ADCY10: variants seen among roughly 807,000 people sequenced by gnomAD.
The protein encoded by ADCY10 is adenylate cyclase type 10.
A neutral mutation model predicts 183.3 loss-of-function variants in ADCY10; 156 were observed. The observed-to-expected ratio is 0.85, with a 90% CI of 0.75 to 0.97. ADCY10 has a LOEUF of 0.97. Ranked by LOEUF, ADCY10 falls within the 50% of genes least tolerant of loss-of-function variation. The pLI is 0.00. For missense variants in ADCY10, 1,745 were observed against 1,934.3 expected (o/e 0.90, Z 1.84); for synonymous variants, 645 against 670.0 (o/e 0.96, Z 0.58).
intron 14 of ADCY10, among the ~76,000 whole-genome samples, chr1:167,864,620 A>G (rs1217453142): frequency 6.6e-6 from 1 of 152,194 alleles, no homozygotes; most frequent in Non-Finnish European, 1.5e-5. Context: ...ACAGAAAGTC[A>G]AAGAGAGAAA....
intron 17 of ADCY10, 37 bp from the exon 18 acceptor site, chr1:167,854,526 A>G (rs1169193452): frequency 5.0e-6 from 8 of 1,613,324 alleles, no homozygotes; most frequent in Non-Finnish European, 6.8e-6. Flanking sequence ...TACATTGAAG[A>G]TACATCTTTT....
intron 31 of ADCY10, among the ~76,000 whole-genome samples, chr1:167,814,865 C>A (rs900276371): frequency 3.3e-5 from 5 of 152,168 alleles, no homozygotes; most frequent in Admixed American, 1.3e-4. Flanking sequence ...TGGGCTCATG[C>A]CTGTAATCCC....
chr1:167,855,421 C>T (rs918047788), intron 17 of ADCY10, among the ~76,000 whole-genome samples: 14 of 152,206 alleles, frequency 9.2e-5, no homozygotes, highest in South Asian at 2.1e-4. Context: ...AGTGAGTCAG[C>T]TTTCCACATC....
At chr1:167,849,868 C>G (rs1259696839) in intron 18 of ADCY10, among the ~76,000 whole-genome samples, 1 of 152,142 alleles carries the variant, frequency 6.6e-6, no homozygotes, top group Admixed American at 6.5e-5. Flanking sequence ...ACAGGAACCT[C>G]AGAGTACTTA....
At chr1:167,828,400 G>T (rs760704876) in intron 26 of ADCY10, among the ~76,000 whole-genome samples, 8 of 152,190 alleles carry the variant, frequency 5.3e-5, no homozygotes, top group African/African-American at 1.2e-4. Flanking sequence ...TTTTAAAAAA[G>T]AATTATCCTT....
chr1:167,834,194 C>G, intron 23 of ADCY10, 117 bp from the exon 24 acceptor site: 1 of 761,324 alleles, frequency 1.3e-6, no homozygotes, highest in South Asian at 1.5e-5. Context: ...CAGTTACCAC[C>G]TCCACTTCCA....
chr1:167,849,561 T>G (rs1665315925), intron 18 of ADCY10, among the ~76,000 whole-genome samples: 1 of 152,214 alleles, frequency 6.6e-6, no homozygotes, highest in Non-Finnish European at 1.5e-5. Flanking sequence ...GACATATTTA[T>G]TAAGGACTTT....
chr1:167,887,150 G>C (rs919767138), intron 8 of ADCY10, among the ~76,000 whole-genome samples: 1 of 152,088 alleles, frequency 6.6e-6, no homozygotes, highest in Non-Finnish European at 1.5e-5. Context: ...ATTCCTCAAG[G>C]ATCTAGAACT....
Position 167,809,427 on chromosome 1 carries a change from C to G in ADCY10, c.*251G>C. On this transcript the variant is annotated 3_prime_UTR_variant, in exon 33 of 33. Transcript: ENST00000367851. ...GTAATATGATACAGTTTTGCATGGG[C>G]TGAAATAAACAGGTCAAGCTAAAAC... 2.1e-6 allele frequency: 1 copy of G among 477,050 alleles called. No homozygotes were observed. Among genetic ancestry groups the G allele is most frequent in the Admixed American group, 3.6e-5 (1 of 27,642 alleles). The allele number at this position is 477,050 out of a possible 1,614,324, so 29.6% of individuals were successfully genotyped here.
At chr1:167,848,544 C>T in intron 18 of ADCY10, 55 bp from the exon 19 acceptor site, 1 of 1,606,482 alleles carries the variant, frequency 6.2e-7, no homozygotes, top group Non-Finnish European at 8.5e-7. Flanking sequence ...CTTATAAGGT[C>T]TGATTTTCCA....
chr1:167,815,943 A>G (rs1477525928), intron 31 of ADCY10, among the ~76,000 whole-genome samples: 10 of 151,972 alleles, frequency 6.6e-5, no homozygotes. Context: ...TCAAGAGCAT[A>G]TCAATAGAAA....
chr1:167,888,496 T>C (rs1668377473), intron 8 of ADCY10, among the ~76,000 whole-genome samples: 1 of 152,054 alleles, frequency 6.6e-6, no homozygotes, highest in South Asian at 2.1e-4. Flanking sequence ...GGTTAATTAC[T>C]AGGTACTTTA....
intron 14 of ADCY10, among the ~76,000 whole-genome samples, chr1:167,868,930 C>T (rs972421295): frequency 1.2e-4 from 18 of 152,076 alleles, no homozygotes; most frequent in South Asian, 2.1e-4. Context: ...TATTCTGGCC[C>T]GGCAAGAAAC....
At chr1:167,884,305 G>C (rs761501918) in intron 8 of ADCY10, among the ~76,000 whole-genome samples, 4 of 152,146 alleles carry the variant, frequency 2.6e-5, no homozygotes, top group Non-Finnish European at 5.9e-5. Flanking sequence ...GGAGAAGCAG[G>C]CACTTCTTAT....
chr1:167,813,298 C>G (rs977250984), intron 31 of ADCY10, among the ~76,000 whole-genome samples: 1 of 151,834 alleles, frequency 6.6e-6, no homozygotes, highest in African/African-American at 2.4e-5. Context: ...AGATCATGAG[C>G]AGATTTCTCA....
intron 14 of ADCY10, among the ~76,000 whole-genome samples, chr1:167,867,925 G>A (rs964149681): frequency 1.3e-5 from 2 of 152,110 alleles, no homozygotes; most frequent in African/African-American, 4.8e-5. Context: ...AAAAGGAGAA[G>A]GCAGCCCCTC....
chr1:167,874,236 C>T (rs899972548), intron 13 of ADCY10, among the ~76,000 whole-genome samples: 2 of 152,082 alleles, frequency 1.3e-5, no homozygotes, highest in African/African-American at 2.4e-5. Context: ...GAGGCTGAGT[C>T]CTGAGAATCA....
At position 167,850,697 on chromosome 1, in the gene ADCY10, G is replaced by GTGTGTGTGTGTGTGTA. The variant is rs1553267959; in HGVS notation, c.2309-2209_2309-2208insTACACACACACACACA. On this transcript the variant is annotated intron_variant, in intron 18 of 32. Coordinates refer to ENST00000367851, the MANE Select transcript of ADCY10 (RefSeq NM_018417.6). ...TGTGTGTGTGTGTGTGTGTGTGTGTGTGTGTGTGTGTTGGGAGTAGGAGAG... is the reference window on the plus strand; with the variant it reads ...TGTGTGTGTGTGTGTGTGTGTGTGTGTGTGTGTGTGTGTGTATGTGTGTGTGTTGGGAGTAGGAGAG... Among the ~76,000 whole-genome samples the GTGTGTGTGTGTGTGTA allele has an allele frequency of 7.9e-3, 1,120 of 142,298 alleles. 23 individuals carry two copies. Among genetic ancestry groups the GTGTGTGTGTGTGTGTA allele is most frequent in the African/African-American group, 0.023 (842 of 36,620 alleles). 93.4% of individuals were successfully genotyped at this position (142,298 alleles called of 152,430 possible).
chr1:167,836,423 C>T lies in ADCY10; in HGVS notation c.3195G>A (p.Glu1065=), dbSNP rs774463686. ...LESCQCEEIL[E]IVILPLAHHF... is the part of the protein sequence containing the mutation. ...GGTGGGCCAGAGGCAAGATGACAATCTCTAGGATTTCTTCACACTGGCAAG... is the reference window on the plus strand; with the variant it reads ...GGTGGGCCAGAGGCAAGATGACAATTTCTAGGATTTCTTCACACTGGCAAG... Residue 1065 remains glutamate (E), a synonymous_variant, in exon 23 of 33, where the codon GAG becomes GAA. Coordinates refer to ENST00000367851, the MANE Select transcript of ADCY10 (RefSeq NM_018417.6). 8 of 1,614,026 alleles carry T rather than the reference C, an allele frequency of 5.0e-6. No individual in the cohort carries two copies. The Admixed American group carries it at 6.7e-5, about 13-fold the overall frequency.
Sources: gnomAD v4.1 joint callset for allele counts (sites outside exome capture counted in the v4.1 genomes callset) on GRCh38, gnomAD v4.1.1 for gene constraint, MANE v1.5 for transcripts, NCBI Gene and HGNC (gene_info 2026-07-23, HGNC 2026-07-21) for gene names.